Variants in CCM2L observed in about 807,000 individuals in gnomAD.
CCM2L encodes CCM2 like scaffold protein, also known as cerebral cavernous malformations 2 protein-like.
In CCM2L, 36 loss-of-function variants were observed where a neutral mutation model predicts 54.1. The observed-to-expected ratio is 0.67, with a 90% confidence interval of 0.51 to 0.88. The LOEUF (loss-of-function observed/expected upper bound fraction) is 0.88, where lower values mean the gene tolerates loss of function less well. Ranked by LOEUF, CCM2L falls within the 40% of genes least tolerant of loss-of-function variation. The pLI is 0.00. For synonymous variants in CCM2L, 351 were observed against 359.3 expected, an observed-to-expected ratio of 0.98 and a Z score of 0.26; for missense variants, 700 against 812.1, an observed-to-expected ratio of 0.86 and a Z score of 1.68.
intron 2 of CCM2L, among the ~76,000 whole-genome samples, chr20:32,015,859 C>T (rs369912149): frequency 1.1e-4 from 14 of 127,870 alleles, no homozygotes; most frequent in South Asian, 7.2e-4. Flanking sequence ...AGCTGTACTT[C>T]TTTTTTTTTT....
intron 1 of CCM2L, among the ~76,000 whole-genome samples, chr20:32,013,172 ACCTGTAGTC>A (rs369974597): frequency 7.0e-4 from 107 of 152,248 alleles, no homozygotes; most frequent in African/African-American, 2.5e-3. Context: ...GGTAGCACAC[ACCTGTAGTC>A]CCAATTACTT....
At position 32,031,193 on chromosome 20, in the gene CCM2L, G is replaced by A. The variant is rs938680540; in HGVS notation, c.1595G>A (p.Arg532Gln). 4 of 1,301,524 alleles carry A rather than the reference G, an allele frequency of 3.1e-6. No homozygotes were observed. The African/African-American group carries it at 4.6e-5, about 15-fold the overall frequency. 80.6% of individuals were successfully genotyped at this position (1,301,524 alleles called of 1,614,324 possible). ...CGGCCCGAGGCACAGGCCTTCCACC[G>A]GCTGCTGGCTGACATCACGCACGAC... ...AQRPEAQAFH[R>Q]LLADITHDIE... The change falls in exon 10 of 10, where the codon CGG (arginine) becomes CAG (glutamine). Residue 532 changes from arginine to glutamine, a missense_variant. Physicochemically the swap from Arg to Gln is conservative, Grantham distance 43. Coordinates refer to ENST00000452892, the MANE Select transcript of CCM2L (RefSeq NM_001365692.1).
chr20:32,018,179 C>CG lies in CCM2L; in HGVS notation c.466+22dup, dbSNP rs1363787792. On this transcript the variant is annotated intron_variant, in intron 4 of 9. Transcript: ENST00000452892. ...TCAAGACCGGTGCGGCGGGAGGGGGCGGGGGCGGGGGAGGGGCGGGGGCGG... is the reference window on the plus strand; with the variant it reads ...TCAAGACCGGTGCGGCGGGAGGGGGCGGGGGGCGGGGGAGGGGCGGGGGCGG... 1.5e-6 allele frequency: 1 copy of CG among 666,184 alleles called. No individual in the cohort carries two copies. The highest frequency in any genetic ancestry group is 1.6e-4 in the East Asian group (1 of 6,206). 41.3% of individuals were successfully genotyped at this position (666,184 alleles called of 1,614,324 possible). A position where few individuals can be genotyped will look rare whatever the true frequency, so the allele number is the denominator to read the frequency against.
intron 1 of CCM2L, 76 bp downstream of exon 1, chr20:32,010,560 TGGGGGG>T: frequency 9.5e-6 from 1 of 105,750 alleles, no homozygotes; most frequent in Non-Finnish European, 1.8e-5. Flanking sequence ...TGGGGCGGGG[TGGGGGG>T]TCGGTAGCGA....
At chr20:32,020,932 C>G (rs965315505) in intron 5 of CCM2L, among the ~76,000 whole-genome samples, 1 of 152,176 alleles carries the variant, frequency 6.6e-6, no homozygotes, top group South Asian at 2.1e-4. Context: ...CACCACTGCA[C>G]TCCAGCCTGA....
rs899526501 is a variant in CCM2L, at chr20:32,031,793, C to G, written c.*479C>G. ...GGCTTGAGGGAATCTCCTGATTCTCCTTATATGACCTCAAACTGACCATAC... is the reference window on the plus strand; with the variant it reads ...GGCTTGAGGGAATCTCCTGATTCTCGTTATATGACCTCAAACTGACCATAC... On this transcript the variant is annotated 3_prime_UTR_variant, in exon 10 of 10. Coordinates refer to ENST00000452892, the MANE Select transcript of CCM2L (RefSeq NM_001365692.1). The G allele has an allele frequency of 6.2e-6, 1 of 161,942 alleles. No individual in the cohort carries two copies. Among genetic ancestry groups the G allele is most frequent in the Non-Finnish European group, 1.3e-5 (1 of 74,912 alleles). The allele number at this position is 161,942 out of a possible 1,614,324, so 10.0% of individuals were successfully genotyped here.
chr20:32,014,181 C>T (rs2064717589), intron 1 of CCM2L, among the ~76,000 whole-genome samples: 2 of 150,902 alleles, frequency 1.3e-5, no homozygotes, highest in Non-Finnish European at 3.0e-5. Context: ...CACCACCACT[C>T]CACCACATTG....
chr20:32,026,283 CT>C (rs142152345), intron 7 of CCM2L, among the ~76,000 whole-genome samples: 4 of 152,136 alleles, frequency 2.6e-5, no homozygotes, highest in African/African-American at 4.8e-5. Flanking sequence ...CAAGATAGAA[CT>C]TTTTTTTCTT....
chr20:32,021,472 A>G (rs1354785088), intron 5 of CCM2L, among the ~76,000 whole-genome samples: 1 of 152,160 alleles, frequency 6.6e-6, no homozygotes, highest in African/African-American at 2.4e-5. Flanking sequence ...CCTGGGCAAC[A>G]TGGCAAAACA....
Position 32,018,955 on chromosome 20 carries a change from AC to A in CCM2L, c.482del (p.Pro161ArgfsTer148). On this transcript the variant is annotated frameshift_variant, in exon 5 of 10. Coordinates refer to ENST00000452892, the MANE Select transcript of CCM2L (RefSeq NM_001365692.1). LOFTEE classifies it high-confidence loss of function. Reference protein sequence around the residue: ...LLVLKTGLGVDPVPAGVDASP... With the variant: ...LLVLKTGLGVXPVPAGVDASP... ...CGGACTCTCCTAGGTCTGGGTGTGG[AC>A]CCGGTGCCGGCCGGCGTGGATGCCA... 7.2e-7 allele frequency: 1 copy of A among 1,398,354 alleles called. No homozygotes were observed. The highest frequency in any genetic ancestry group is 1.5e-5 in the South Asian group (1 of 65,718). 86.6% of individuals were successfully genotyped at this position (1,398,354 alleles called of 1,614,324 possible).
At chr20:32,028,906 A>G (rs565068872) in intron 7 of CCM2L, 89 bp from the exon 8 acceptor site, 2 of 1,541,628 alleles carry the variant, frequency 1.3e-6, no homozygotes, top group African/African-American at 1.4e-5. Flanking sequence ...GCCAGCATGC[A>G]GTCTAGGATG....
At position 32,018,990 on chromosome 20, in the gene CCM2L, G is replaced by A. The variant is rs1472572476; in HGVS notation, c.514G>A (p.Gly172Ser). ...GGCCGGCGTGGATGCCAGCCCAGGC[G>A]GCGCAGGACGCGACCCCGGCCCGCC... ...VPAGVDASPGGAGRDPGPPGG... is the reference protein window; with the variant it reads ...VPAGVDASPGSAGRDPGPPGG... Residue 172 changes from glycine (G) to serine (S), a missense_variant, in exon 5 of 10, where the codon GGC (glycine) becomes AGC (serine). By Grantham distance (56) the Gly-to-Ser change is moderately conservative (BLOSUM62 0). Coordinates refer to ENST00000452892, the MANE Select transcript of CCM2L (RefSeq NM_001365692.1). 5 of 1,385,912 alleles carry A rather than the reference G, an allele frequency of 3.6e-6. No homozygotes were observed. In the South Asian group the frequency reaches 4.8e-5, roughly 13 times the overall value. 85.9% of individuals were successfully genotyped at this position (1,385,912 alleles called of 1,614,324 possible). A position where few individuals can be genotyped will look rare whatever the true frequency, so the allele number is the denominator to read the frequency against.
At chr20:32,019,543 T>G in intron 5 of CCM2L, 134 bp downstream of exon 5, 1 of 557,636 alleles carries the variant, frequency 1.8e-6, no homozygotes, top group Non-Finnish European at 2.8e-6. Flanking sequence ...CCCCACCTAA[T>G]GGCTCCTAAA....
chr20:32,019,527 C>A, intron 5 of CCM2L, 118 bp downstream of exon 5: 3 of 644,506 alleles, frequency 4.7e-6, no homozygotes, highest in Non-Finnish European at 7.1e-6. Flanking sequence ...CTTCTCCCTG[C>A]ACCTGCCCCA....
chr20:32,030,039 TAAG>T (rs1383750614), intron 9 of CCM2L, among the ~76,000 whole-genome samples: 1 of 152,070 alleles, frequency 6.6e-6, no homozygotes, highest in East Asian at 1.9e-4. Flanking sequence ...ACACTGTTGA[TAAG>T]AAGAACTAAG....
At chr20:32,020,390 T>C (rs1210796228) in intron 5 of CCM2L, among the ~76,000 whole-genome samples, 2 of 152,212 alleles carry the variant, frequency 1.3e-5, no homozygotes, top group East Asian at 1.9e-4. Flanking sequence ...GTTCCTCCTC[T>C]TCTTCAGAAG....
intron 7 of CCM2L, 196 bp from the exon 8 acceptor site, chr20:32,028,799 T>TG (rs1555870058): frequency 1.9e-6 from 1 of 517,888 alleles, no homozygotes; most frequent in South Asian, 2.4e-5. Context: ...AGAAGGGGGG[T>TG]GGGGGGCGCG....
chr20:32,031,350 A>G lies in CCM2L; in HGVS notation c.*36A>G, dbSNP rs1330719876. The stretch of plus-strand genomic sequence containing the variant: ...TGCGGACGGCGTGGCTCAGCAGCCC[A>G]CCTCTGAGTCTCAGCTTTGCTTCGG... On this transcript the variant is annotated 3_prime_UTR_variant, in exon 10 of 10. Coordinates refer to ENST00000452892, the MANE Select transcript of CCM2L (RefSeq NM_001365692.1). The G allele has an allele frequency of 8.1e-7, 1 of 1,237,848 alleles. No homozygotes were observed. The highest frequency in any genetic ancestry group is 3.2e-5 in the Admixed American group (1 of 31,718). 76.7% of individuals were successfully genotyped at this position (1,237,848 alleles called of 1,614,324 possible).
intron 9 of CCM2L, 122 bp downstream of exon 9, chr20:32,029,960 C>A: frequency 8.1e-7 from 1 of 1,241,062 alleles, no homozygotes; most frequent in Non-Finnish European, 1.1e-6. Flanking sequence ...AAACCCAGAT[C>A]ATGAGATTCA....
Sources: allele counts gnomAD v4.1 joint callset (sites outside exome capture counted in the v4.1 genomes callset), GRCh38; gene constraint gnomAD v4.1.1; transcripts MANE v1.5; gene names NCBI Gene and HGNC (gene_info 2026-07-23, HGNC 2026-07-21).